The following POT1 variants were observed in gnomAD, a reference collection of about 807,000 sequenced individuals.
POT1 encodes protection of telomeres protein 1.
Under a neutral mutation model 78.5 loss-of-function variants are expected in POT1, and 47 were observed. That is an observed-to-expected ratio of 0.60 (90% CI 0.47 to 0.76). The LOEUF is 0.76. POT1 is among the 30% of genes least tolerant of loss of function. The pLI is 0.00. For synonymous variants in POT1, 259 were observed against 260.7 expected, an observed-to-expected ratio of 0.99 and a Z score of 0.06; for missense variants, 646 against 749.9, an observed-to-expected ratio of 0.86 and a Z score of 1.62.
chr7:124,828,484 G>A (rs1794684216), intron 16 of POT1, among the ~76,000 whole-genome samples: 1 of 152,152 alleles, frequency 6.6e-6, no homozygotes, highest in Non-Finnish European at 1.5e-5. Flanking sequence ...AACAGGGAAA[G>A]TAAGAATAAA....
chr7:124,904,138 CAG>C (rs1796698362), intron 3 of POT1, among the ~76,000 whole-genome samples: 1 of 152,110 alleles, frequency 6.6e-6, no homozygotes, highest in Non-Finnish European at 1.5e-5. Flanking sequence ...TCAACAGAAA[CAG>C]AGGGAATCCT....
At chr7:124,927,399 TTTG>T (rs372815950) in intron 2 of POT1, among the ~76,000 whole-genome samples, 83 of 152,330 alleles carry the variant, frequency 5.4e-4, no homozygotes, top group African/African-American at 1.9e-3. Context: ...TTAACCTGTG[TTTG>T]TTTTCCAGCT....
intron 15 of POT1, among the ~76,000 whole-genome samples, chr7:124,834,430 G>T (rs1243311744): frequency 1.3e-5 from 2 of 152,074 alleles, no homozygotes; most frequent in East Asian, 3.9e-4. Context: ...AAAAGTGGGT[G>T]AAGGATATGA....
chr7:124,844,691 T>G (rs1326696403), intron 12 of POT1, among the ~76,000 whole-genome samples: 1 of 125,172 alleles, frequency 8.0e-6, no homozygotes, highest in Non-Finnish European at 1.6e-5. Context: ...GCCAAGATAG[T>G]GCCACTGCAC....
intron 6 of POT1, among the ~76,000 whole-genome samples, chr7:124,882,100 T>C (rs1461419724): frequency 1.3e-5 from 2 of 152,012 alleles, no homozygotes; most frequent in African/African-American, 4.8e-5. Context: ...GTAAATTGCC[T>C]TGGAGTTTTA....
chr7:124,846,315 A>C lies in POT1; in HGVS notation c.1006+627T>G, dbSNP rs78413400. ...GTACCTCCAATTACAACACAACATT[A>C]AAAGATTTCATCAATCCTTCTTCCA... is the stretch of plus-strand genomic sequence containing the variant. On this transcript the variant is annotated intron_variant, in intron 12 of 18. Transcript: ENST00000357628. Among the ~76,000 whole-genome samples the C allele has an allele frequency of 3.0e-3, 459 of 152,288 alleles. 14 individuals are homozygous for C. The East Asian group carries it at 0.074, about 25-fold the overall frequency.
chr7:124,904,181 C>T (rs1386507986), intron 3 of POT1, among the ~76,000 whole-genome samples: 1 of 152,132 alleles, frequency 6.6e-6, no homozygotes, highest in African/African-American at 2.4e-5. Flanking sequence ...TCAGCATTAT[C>T]CTTGTAACAA....
intron 2 of POT1, among the ~76,000 whole-genome samples, chr7:124,923,184 G>C (rs535827708): frequency 6.6e-6 from 1 of 151,380 alleles, no homozygotes; most frequent in Admixed American, 6.6e-5. Flanking sequence ...AAAATTCCTC[G>C]AAATGCCAGA....
rs79931811 is a variant in POT1, at chr7:124,831,603, G to A, written c.1506-2261C>T. ...GGAAATAGACAAGAAAACATATAACGTGACTTCATTATGGTCTGTAAATGA... is the reference window on the plus strand; with the variant it reads ...GGAAATAGACAAGAAAACATATAACATGACTTCATTATGGTCTGTAAATGA... On this transcript the variant is annotated intron_variant, in intron 15 of 18. Coordinates refer to ENST00000357628, the MANE Select transcript of POT1 (RefSeq NM_015450.3). Among the ~76,000 whole-genome samples the A allele has an allele frequency of 6.9e-3, 1,049 of 152,042 alleles. 14 individuals are homozygous for A. The highest frequency in any genetic ancestry group is 0.024 in the African/African-American group (982 of 41,470).
chr7:124,844,969 T>C (rs1795129754), intron 12 of POT1, among the ~76,000 whole-genome samples: 1 of 152,220 alleles, frequency 6.6e-6, no homozygotes, highest in Non-Finnish European at 1.5e-5. Context: ...TCATTGTCAC[T>C]GTGCCTGTCT....
At chr7:124,920,666 CT>C (rs11343161) in intron 2 of POT1, among the ~76,000 whole-genome samples, 91,284 of 151,676 alleles carry the variant, frequency 0.6, 27,572 homozygotes, top group African/African-American at 0.65. Flanking sequence ...ATACTTCAAT[CT>C]TTTTTTTTAA....
At chr7:124,906,233 G>A (rs1175223717) in intron 3 of POT1, among the ~76,000 whole-genome samples, 1 of 152,030 alleles carries the variant, frequency 6.6e-6, no homozygotes, top group Non-Finnish European at 1.5e-5. Context: ...AGACTTGGAA[G>A]TAACCCAAAT....
intron 6 of POT1, 88 bp from the exon 7 acceptor site, chr7:124,871,129 C>CT: frequency 9.0e-7 from 1 of 1,111,542 alleles, no homozygotes; most frequent in Non-Finnish European, 1.2e-6. Context: ...AACACCAAAC[C>CT]TTATTCTTCC....
At chr7:124,911,543 A>G (rs1796889720) in intron 3 of POT1, among the ~76,000 whole-genome samples, 1 of 152,186 alleles carries the variant, frequency 6.6e-6, no homozygotes, top group South Asian at 2.1e-4. Context: ...GCTTTAGGAC[A>G]TGAACTGTAT....
At chr7:124,887,168 T>C (rs1183392210) in intron 6 of POT1, among the ~76,000 whole-genome samples, 1 of 152,110 alleles carries the variant, frequency 6.6e-6, no homozygotes, top group Non-Finnish European at 1.5e-5. Flanking sequence ...TGAGTTTATG[T>C]TGAACAGTAT....
At chr7:124,922,365 T>G (rs1797172142) in intron 2 of POT1, among the ~76,000 whole-genome samples, 1 of 152,044 alleles carries the variant, frequency 6.6e-6, no homozygotes, top group African/African-American at 2.4e-5. Context: ...TTCCTTCTTT[T>G]AATTTCCTTA....
chr7:124,874,697 T>C (rs1795947449), intron 6 of POT1, among the ~76,000 whole-genome samples: 2 of 149,000 alleles, frequency 1.3e-5, no homozygotes, highest in Non-Finnish European at 3.0e-5. Flanking sequence ...ATCATGCCAC[T>C]GCACTCCAGT....
intron 3 of POT1, among the ~76,000 whole-genome samples, chr7:124,912,261 A>C (rs74463425): frequency 2.0e-5 from 3 of 151,900 alleles, no homozygotes; most frequent in African/African-American, 4.8e-5. Flanking sequence ...AAAAAAAAAA[A>C]CTCAGTGGAA....
intron 5 of POT1, among the ~76,000 whole-genome samples, chr7:124,894,916 T>G (rs1235607352): frequency 1.3e-5 from 2 of 151,684 alleles, no homozygotes; most frequent in Non-Finnish European, 3.0e-5. Flanking sequence ...ACTAGCATTA[T>G]GTAATCAGGG....
Sources: allele counts gnomAD v4.1 joint callset (sites outside exome capture counted in the v4.1 genomes callset), GRCh38; gene constraint gnomAD v4.1.1; transcripts MANE v1.5; gene names NCBI Gene and HGNC (gene_info 2026-07-23, HGNC 2026-07-21).